The following KRCC1 variants were observed in gnomAD, a reference collection of about 807,000 sequenced individuals.
The protein encoded by KRCC1 is lysine rich coiled-coil 1, also known as lysine-rich coiled-coil protein 1.
KRCC1 carries 3 observed loss-of-function variants against 7.4 expected under a neutral mutation model. That is an observed-to-expected ratio of 0.40 (90% confidence interval 0.18 to 1.04). The LOEUF (loss-of-function observed/expected upper bound fraction) is 1.04. Ranked by LOEUF, KRCC1 falls within the 50% of genes least tolerant of loss-of-function variation. The probability of loss-of-function intolerance (pLI) is 0.33; values close to 1 mark genes in which losing one functional copy is unlikely to be tolerated. For synonymous variants in KRCC1, 102 were observed against 101.6 expected (o/e 1.00, Z -0.02); for missense variants, 277 against 300.9 (o/e 0.92, Z 0.59).
chr2:88,043,763 G>A (rs1208773915), intron 1 of KRCC1, among the ~76,000 whole-genome samples: 10 of 152,170 alleles, frequency 6.6e-5, no homozygotes, highest in African/African-American at 2.2e-4. Flanking sequence ...TCTGCCTCCC[G>A]GGTTCAAGCG....
chr2:88,044,435 C>G (rs1007481171), intron 1 of KRCC1, among the ~76,000 whole-genome samples: 4 of 151,896 alleles, frequency 2.6e-5, no homozygotes, highest in Admixed American at 6.6e-5. Flanking sequence ...AAAATCAAGC[C>G]ACAGAATATA....
At chr2:88,050,265 C>T (rs1367857225) in intron 1 of KRCC1, among the ~76,000 whole-genome samples, 2 of 152,176 alleles carry the variant, frequency 1.3e-5, no homozygotes, top group Non-Finnish European at 2.9e-5. Flanking sequence ...GAGTTAATTA[C>T]TCAATAAGTA....
At chr2:88,031,014 A>G (rs1672980456) in intron 3 of KRCC1, among the ~76,000 whole-genome samples, 1 of 152,240 alleles carries the variant, frequency 6.6e-6, no homozygotes, top group Non-Finnish European at 1.5e-5. Context: ...CACTATGTAC[A>G]GTACATAAGA....
chr2:88,048,476 T>A (rs1012542456), intron 1 of KRCC1, among the ~76,000 whole-genome samples: 12 of 152,152 alleles, frequency 7.9e-5, no homozygotes, highest in African/African-American at 1.4e-4. Context: ...ATAGTATTTT[T>A]AAAAAAATGT....
At chr2:88,055,053 G>A (rs771937652) in intron 1 of KRCC1, among the ~76,000 whole-genome samples, 1 of 151,824 alleles carries the variant, frequency 6.6e-6, no homozygotes, top group Non-Finnish European at 1.5e-5. Context: ...TGTCTTATAG[G>A]GCCATATCCT....
At chr2:88,038,576 A>G (rs955492904) in intron 1 of KRCC1, among the ~76,000 whole-genome samples, 16 of 152,218 alleles carry the variant, frequency 1.1e-4, no homozygotes, top group Non-Finnish European at 5.9e-5. Flanking sequence ...AACATGGTGT[A>G]TTGGTCTGTT....
At chr2:88,047,874 A>T (rs1332636074) in intron 1 of KRCC1, among the ~76,000 whole-genome samples, 1 of 152,126 alleles carries the variant, frequency 6.6e-6, no homozygotes, top group African/African-American at 2.4e-5. Flanking sequence ...TTAATCTTTG[A>T]GGAAAAAATT....
chr2:88,031,727 GT>G (rs891009203), intron 3 of KRCC1, among the ~76,000 whole-genome samples: 2 of 152,032 alleles, frequency 1.3e-5, no homozygotes, highest in African/African-American at 4.8e-5. Flanking sequence ...TGGACAATGT[GT>G]TTTAACCTAA....
chr2:88,053,425 T>A (rs921229397), intron 1 of KRCC1, among the ~76,000 whole-genome samples: 1 of 152,226 alleles, frequency 6.6e-6, no homozygotes, highest in African/African-American at 2.4e-5. Flanking sequence ...AAAAGCTTTT[T>A]TCCACGACAA....
chr2:88,030,792 G>T (rs1168340677), intron 3 of KRCC1, among the ~76,000 whole-genome samples: 1 of 152,162 alleles, frequency 6.6e-6, no homozygotes, highest in African/African-American at 2.4e-5. Flanking sequence ...CTACTTCTAG[G>T]TATTTCCTTA....
chr2:88,054,593 T>C (rs1003963922), intron 1 of KRCC1, among the ~76,000 whole-genome samples: 1 of 152,122 alleles, frequency 6.6e-6, no homozygotes, highest in Non-Finnish European at 1.5e-5. Context: ...CTTGCGTTTT[T>C]ACAATGATCA....
At chr2:88,044,020 C>A (rs905415392) in intron 1 of KRCC1, among the ~76,000 whole-genome samples, 3 of 152,076 alleles carry the variant, frequency 2.0e-5, no homozygotes, top group Non-Finnish European at 2.9e-5. Flanking sequence ...GGGCTCAGTA[C>A]AATTACTTTC....
rs756589562 is a variant in KRCC1 at position 88,027,869 on chromosome 2, C to T, written c.695G>A (p.Arg232His). ...SRDVVSKKEE[R>H]KRTKKKKEQG... Reference sequence around the variant, plus strand: ...TTCCTTTTTCTTTTTTGTACGCTTACGTTCCTCTTTCTTAGAGACTACATC... The same window carrying T: ...TTCCTTTTTCTTTTTTGTACGCTTATGTTCCTCTTTCTTAGAGACTACATC... The change falls in exon 4 of 4, where the codon CGT (arginine) becomes CAT (histidine). Residue 232 changes from arginine (R) to histidine (H), a missense_variant. Arg to His is a conservative substitution (Grantham distance 29, BLOSUM62 0). Coordinates refer to ENST00000347055, the MANE Select transcript of KRCC1 (RefSeq NM_016618.3). 39 of 1,613,150 alleles carry T rather than the reference C, an allele frequency of 2.4e-5. No homozygotes were observed. The highest frequency in any genetic ancestry group is 1.1e-4 in the African/African-American group (8 of 74,794).
At chr2:88,046,037 G>T (rs1303290604) in intron 1 of KRCC1, among the ~76,000 whole-genome samples, 1 of 152,168 alleles carries the variant, frequency 6.6e-6, no homozygotes, top group African/African-American at 2.4e-5. Context: ...CCTCAATAAA[G>T]TAACTAAAGG....
intron 1 of KRCC1, among the ~76,000 whole-genome samples, chr2:88,044,272 G>A (rs892800139): frequency 2.6e-5 from 4 of 152,044 alleles, no homozygotes; most frequent in African/African-American, 9.7e-5. Flanking sequence ...AATGGAAACT[G>A]GCTGGGCACA....
At chr2:88,053,785 A>T (rs938174325) in intron 1 of KRCC1, among the ~76,000 whole-genome samples, 1 of 152,240 alleles carries the variant, frequency 6.6e-6, no homozygotes, top group South Asian at 2.1e-4. Flanking sequence ...ACAAAATACA[A>T]TATCTCATCA....
rs1672903091 is a variant in KRCC1 at position 88,027,842 on chromosome 2, T to C, written c.722A>G (p.Gln241Arg). 1.9e-6 allele frequency: 3 copies of C among 1,610,304 alleles called. No homozygotes were observed. Among genetic ancestry groups the C allele is most frequent in the African/African-American group, 2.7e-5 (2 of 74,434 alleles). Residue 241 changes from glutamine to arginine, a missense_variant, in exon 4 of 4, where the codon CAA (glutamine) becomes CGA (arginine). Physicochemically the swap from Gln to Arg is conservative, Grantham distance 43. Transcript: ENST00000347055. The stretch of plus-strand genomic sequence containing the variant: ...TTCCTCCTCTGTCCTTTCTTGGCCT[T>C]GTTCCTTTTTCTTTTTTGTACGCTT... ...ERKRTKKKKE[Q>R]GQERTEEEML...
At chr2:88,045,476 C>G (rs556197551) in intron 1 of KRCC1, among the ~76,000 whole-genome samples, 1 of 152,262 alleles carries the variant, frequency 6.6e-6, no homozygotes, top group East Asian at 1.9e-4. Flanking sequence ...GAAAGAGTAT[C>G]TACTGTATGA....
At chr2:88,049,755 A>T (rs889214420) in intron 1 of KRCC1, among the ~76,000 whole-genome samples, 2 of 152,252 alleles carry the variant, frequency 1.3e-5, no homozygotes, top group Admixed American at 1.3e-4. Context: ...TGCTTAGTTA[A>T]TATTTTCACT....
Sources: allele counts gnomAD v4.1 joint callset (sites outside exome capture counted in the v4.1 genomes callset), GRCh38; gene constraint gnomAD v4.1.1; transcripts MANE v1.5; gene names NCBI Gene and HGNC (gene_info 2026-07-23, HGNC 2026-07-21).